HEMK2: variants seen among roughly 807,000 people sequenced by gnomAD.
HEMK2 encodes HemK methyltransferase 2, ETF1 glutamine and histone H4 lysine, also known as methyltransferase HEMK2.
At chr21:28,862,290 A>C in the HEMK2 span, among the ~76,000 whole-genome samples, 7 of 152,340 alleles carry the variant, frequency 4.6e-5, no homozygotes, top group South Asian at 8.3e-4. Context: ...CTAGGAAAAA[A>C]ACCACGACCT....
the HEMK2 span, among the ~76,000 whole-genome samples, chr21:28,718,632 A>G: frequency 6.6e-6 from 1 of 151,808 alleles, no homozygotes; most frequent in Non-Finnish European, 1.5e-5. Flanking sequence ...AAAAAAATAA[A>G]CTGCTTGAGA....
chr21:28,862,296 G>C, the HEMK2 span, among the ~76,000 whole-genome samples: 1 of 152,154 alleles, frequency 6.6e-6, no homozygotes, highest in East Asian at 1.9e-4. Flanking sequence ...AAAAAACCAC[G>C]ACCTGCTGAG....
chr21:28,600,558 C>T, the HEMK2 span, among the ~76,000 whole-genome samples: 2 of 152,226 alleles, frequency 1.3e-5, no homozygotes, highest in Non-Finnish European at 2.9e-5. Context: ...AAGTCTCTGA[C>T]ATGCCCTGGA....
the HEMK2 span, among the ~76,000 whole-genome samples, chr21:28,730,397 C>CAG: frequency 3.7e-4 from 22 of 59,108 alleles, no homozygotes; most frequent in African/African-American, 4.7e-3. Context: ...CACACACACA[C>CAG]ACACACACAC....
the HEMK2 span, among the ~76,000 whole-genome samples, chr21:28,851,057 G>A: frequency 6.6e-6 from 1 of 152,170 alleles, no homozygotes; most frequent in African/African-American, 2.4e-5. Context: ...AAAACACCCA[G>A]TTCTTGATAG....
the HEMK2 span, among the ~76,000 whole-genome samples, chr21:28,879,211 A>G: frequency 1.3e-5 from 2 of 151,308 alleles, no homozygotes; most frequent in African/African-American, 4.9e-5. Context: ...CAGCTTCCCA[A>G]GTATGTAGGA....
chr21:28,799,015 T>C, the HEMK2 span, among the ~76,000 whole-genome samples: 1 of 152,202 alleles, frequency 6.6e-6, no homozygotes, highest in African/African-American at 2.4e-5. Context: ...AAACTGACAC[T>C]GAACTGGTGG....
chr21:28,790,413 C>G, the HEMK2 span, among the ~76,000 whole-genome samples: 7 of 152,136 alleles, frequency 4.6e-5, no homozygotes, highest in Non-Finnish European at 1.0e-4. Context: ...AAGCATCAAG[C>G]GTCTTGCAGA....
At chr21:28,617,807 A>C in the HEMK2 span, among the ~76,000 whole-genome samples, 2 of 148,816 alleles carry the variant, frequency 1.3e-5, no homozygotes, top group African/African-American at 2.5e-5. Flanking sequence ...TTTTTTTTTA[A>C]GACAGAGTCT....
chr21:28,630,188 T>C, the HEMK2 span, among the ~76,000 whole-genome samples: 3 of 152,198 alleles, frequency 2.0e-5, no homozygotes, highest in African/African-American at 4.8e-5. Flanking sequence ...TTCTTTTTTT[T>C]CACTGGCCAT....
At chr21:28,673,464 A>G in the HEMK2 span, among the ~76,000 whole-genome samples, 4 of 149,948 alleles carry the variant, frequency 2.7e-5, 1 homozygote, top group African/African-American at 9.9e-5. Context: ...CAACATTCCA[A>G]ACTCAAACAC....
chr21:28,691,768 C>T, the HEMK2 span, among the ~76,000 whole-genome samples: 1 of 152,156 alleles, frequency 6.6e-6, no homozygotes, highest in Non-Finnish European at 1.5e-5. Flanking sequence ...AGCTTGGACC[C>T]AGCATAGAAT....
chr21:28,765,220 C>T, the HEMK2 span, among the ~76,000 whole-genome samples: 18 of 152,198 alleles, frequency 1.2e-4, no homozygotes, highest in South Asian at 1.0e-3. Flanking sequence ...ATTCTACCAA[C>T]GACCACATGA....
At chr21:28,608,499 T>G in the HEMK2 span, among the ~76,000 whole-genome samples, 2 of 149,898 alleles carry the variant, frequency 1.3e-5, 1 homozygote, top group South Asian at 4.3e-4. Context: ...ACCCACTTCA[T>G]GAACTTTTGC....
chr21:28,801,940 T>C, the HEMK2 span, among the ~76,000 whole-genome samples: 1 of 152,190 alleles, frequency 6.6e-6, no homozygotes, highest in Admixed American at 6.5e-5. Flanking sequence ...TTGGTATAAA[T>C]TAACTTATCT....
At chr21:28,819,253 C>T in the HEMK2 span, among the ~76,000 whole-genome samples, 1 of 150,952 alleles carries the variant, frequency 6.6e-6, no homozygotes, top group South Asian at 2.1e-4. Context: ...TCAAAATGTG[C>T]CATCTAAACT....
At chr21:28,876,133 C>T in the HEMK2 span, 5 of 273,562 alleles carry the variant, frequency 1.8e-5, no homozygotes, top group African/African-American at 1.1e-4. Context: ...CATTGCCTTA[C>T]CACATAATGC....
the HEMK2 span, among the ~76,000 whole-genome samples, chr21:28,841,316 A>AATAT: frequency 1.0e-4 from 1 of 9,824 alleles, no homozygotes; most frequent in African/African-American, 1.1e-3. Flanking sequence ...ATAATATATA[A>AATAT]TATATATTAT....
At chr21:28,817,002 G>A in the HEMK2 span, among the ~76,000 whole-genome samples, 1 of 152,148 alleles carries the variant, frequency 6.6e-6, no homozygotes, top group Non-Finnish European at 1.5e-5. Context: ...AATAAAAGAA[G>A]CACAGTAAAA....
Sources: gnomAD v4.1 joint callset for allele counts (sites outside exome capture counted in the v4.1 genomes callset) on GRCh38, gnomAD v4.1.1 for gene constraint, MANE v1.5 for transcripts, NCBI Gene and HGNC (gene_info 2026-07-23, HGNC 2026-07-21) for gene names.